CSMD2: variants seen among roughly 807,000 people sequenced by gnomAD.
The protein encoded by CSMD2 is CUB and Sushi multiple domains 2, also known as CUB and sushi domain-containing protein 2.
CSMD2 carries 130 observed loss-of-function variants against 398.5 expected under a neutral mutation model. The observed-to-expected ratio is 0.33, with a 90% confidence interval of 0.28 to 0.38. CSMD2 has a LOEUF of 0.38. Among genes scored for constraint, CSMD2 ranks in the 10% least tolerant of loss-of-function variants. The pLI, the probability that CSMD2 is intolerant of heterozygous loss-of-function variation, is 1.00. For missense variants in CSMD2, 3,829 were observed against 4,764.9 expected (o/e 0.80, Z 5.78); for synonymous variants, 1,828 against 1,908.5 (o/e 0.96, Z 1.10).
At chr1:33,738,149 G>A (rs1206885331) in intron 15 of CSMD2, among the ~76,000 whole-genome samples, 1 of 152,060 alleles carries the variant, frequency 6.6e-6, no homozygotes, top group Non-Finnish European at 1.5e-5. Context: ...TGGCCACTAT[G>A]CCCAGATTTG....
chr1:33,967,453 A>G (rs933647673), intron 3 of CSMD2, among the ~76,000 whole-genome samples: 1 of 150,888 alleles, frequency 6.6e-6, no homozygotes, highest in African/African-American at 2.4e-5. Flanking sequence ...AGGTGAACCC[A>G]GGCACAAGTG....
intron 2 of CSMD2, among the ~76,000 whole-genome samples, chr1:34,041,519 A>C (rs1347934537): frequency 6.6e-6 from 1 of 152,144 alleles, no homozygotes; most frequent in African/African-American, 2.4e-5. Context: ...ATGAAAGCTC[A>C]TTTTCTTACT....
intron 5 of CSMD2, among the ~76,000 whole-genome samples, chr1:33,900,791 A>T (rs969489902): frequency 1.3e-5 from 2 of 152,236 alleles, no homozygotes; most frequent in African/African-American, 4.8e-5. Context: ...AAAAAAAAAA[A>T]AAAGAGTTTT....
chr1:33,794,592 G>A (rs777250470), intron 10 of CSMD2, among the ~76,000 whole-genome samples: 6 of 152,234 alleles, frequency 3.9e-5, no homozygotes, highest in Non-Finnish European at 7.3e-5. Flanking sequence ...GTCAGATTAT[G>A]AGAGGCTGCC....
intron 10 of CSMD2, among the ~76,000 whole-genome samples, chr1:33,793,142 T>C (rs983283537): frequency 1.3e-5 from 2 of 152,132 alleles, no homozygotes; most frequent in African/African-American, 4.8e-5. Context: ...GAAGGGGAGA[T>C]AGAAATGCAA....
At chr1:34,126,640 C>A (rs547774901) in intron 1 of CSMD2, among the ~76,000 whole-genome samples, 1 of 152,042 alleles carries the variant, frequency 6.6e-6, no homozygotes, top group Non-Finnish European at 1.5e-5. Flanking sequence ...GACACCCAGA[C>A]GAGGGAGATG....
chr1:34,146,980 T>C (rs1305033089), intron 1 of CSMD2, among the ~76,000 whole-genome samples: 2 of 152,104 alleles, frequency 1.3e-5, no homozygotes, highest in African/African-American at 4.8e-5. Flanking sequence ...GGATAAGGCC[T>C]GGCGCGGTGG....
chr1:33,675,767 A>T (rs1204846954), intron 25 of CSMD2, among the ~76,000 whole-genome samples: 1 of 152,224 alleles, frequency 6.6e-6, no homozygotes, highest in African/African-American at 2.4e-5. Context: ...ACCATGATCA[A>T]GTGGGCTTCA....
intron 3 of CSMD2, among the ~76,000 whole-genome samples, chr1:33,966,999 C>G (rs554975523): frequency 6.6e-6 from 1 of 152,288 alleles, no homozygotes; most frequent in Admixed American, 6.5e-5. Context: ...ATTTCGCAAA[C>G]GTTTTCCCTT....
intron 47 of CSMD2, among the ~76,000 whole-genome samples, chr1:33,583,165 C>A (rs1451435436): frequency 2.6e-5 from 4 of 152,186 alleles, no homozygotes; most frequent in African/African-American, 9.7e-5. Flanking sequence ...GCATGTGCTC[C>A]AGAGGGTAAG....
intron 70 of CSMD2, among the ~76,000 whole-genome samples, chr1:33,517,967 C>A (rs559797823): frequency 3.3e-5 from 5 of 152,264 alleles, no homozygotes; most frequent in African/African-American, 1.2e-4. Context: ...TGTTTCCTCG[C>A]TGCACTGCCA....
At chr1:33,617,902 AG>A (rs1337905015) in intron 37 of CSMD2, among the ~76,000 whole-genome samples, 1 of 152,064 alleles carries the variant, frequency 6.6e-6, no homozygotes, top group Admixed American at 6.6e-5. Flanking sequence ...GCTCTTAGCT[AG>A]GGGGCTTAGC....
chr1:33,742,585 C>CA lies in CSMD2; in HGVS notation c.2173+694_2173+695insT, dbSNP rs1647112120. ...CTAGTCACCAAGCTTCTGCCCCCCCCCCCCCAACCCCCTCTGTAACCACGA... is the reference window on the plus strand; with the variant it reads ...CTAGTCACCAAGCTTCTGCCCCCCCCACCCCCAACCCCCTCTGTAACCACGA... On this transcript the variant is annotated intron_variant, in intron 14 of 70. Transcript: ENST00000373381. 1.4e-5 allele frequency among the ~76,000 whole-genome samples: 2 copies of CA among 140,822 alleles called. 1 individual carries two copies. The highest frequency in any genetic ancestry group is 5.3e-5 in the African/African-American group (2 of 37,592). 92.4% of individuals were successfully genotyped at this position (140,822 alleles called of 152,430 possible). A position where few individuals can be genotyped will look rare whatever the true frequency, so the allele number is the denominator to read the frequency against.
At chr1:34,105,274 G>T (rs1660420571) in intron 1 of CSMD2, among the ~76,000 whole-genome samples, 1 of 152,130 alleles carries the variant, frequency 6.6e-6, no homozygotes, top group South Asian at 2.1e-4. Context: ...GTACATATAG[G>T]ATGTTTAGCA....
intron 15 of CSMD2, among the ~76,000 whole-genome samples, chr1:33,731,536 C>G (rs1266324791): frequency 1.3e-5 from 2 of 152,098 alleles, no homozygotes; most frequent in Admixed American, 1.3e-4. Flanking sequence ...AACAACCTCC[C>G]AGGGAAGCAA....
chr1:33,714,835 G>T, intron 20 of CSMD2, 60 bp from the exon 21 acceptor site: 3 of 1,560,694 alleles, frequency 1.9e-6, no homozygotes, highest in Non-Finnish European at 2.6e-6. Context: ...AAAGCAAAAA[G>T]ATGGGAACGC....
chr1:33,562,377 G>A (rs896225367), intron 53 of CSMD2, among the ~76,000 whole-genome samples: 4 of 152,202 alleles, frequency 2.6e-5, no homozygotes, highest in Admixed American at 6.5e-5. Context: ...CTGCTTGGAA[G>A]CTTTGGCTGG....
At chr1:33,524,396 G>A (rs572205121) in intron 66 of CSMD2, among the ~76,000 whole-genome samples, 5 of 152,182 alleles carry the variant, frequency 3.3e-5, no homozygotes, top group South Asian at 4.1e-4. Flanking sequence ...GACACAAATC[G>A]CCAAATTGTT....
intron 3 of CSMD2, among the ~76,000 whole-genome samples, chr1:33,984,700 T>C (rs969610828): frequency 3.3e-5 from 5 of 152,112 alleles, no homozygotes; most frequent in Non-Finnish European, 7.3e-5. Flanking sequence ...AGAGGATCCC[T>C]TGGGTCCAGA....
Sources: gnomAD v4.1 joint callset for allele counts (sites outside exome capture counted in the v4.1 genomes callset) on GRCh38, gnomAD v4.1.1 for gene constraint, MANE v1.5 for transcripts, NCBI Gene and HGNC (gene_info 2026-07-23, HGNC 2026-07-21) for gene names.